CAST: variants seen among roughly 807,000 people sequenced by gnomAD.
CAST encodes calpastatin, also known as MIR583 host.
CAST carries 76 observed loss-of-function variants against 119.6 expected under a neutral mutation model. The ratio of observed to expected loss-of-function variants is 0.64; its 90% CI spans 0.53 to 0.77. The LOEUF is 0.77. Among genes scored for constraint, CAST ranks in the 30% least tolerant of loss-of-function variants. CAST has a pLI of 0.00. For missense variants in CAST, 953 were observed against 946.5 expected (o/e 1.01, Z -0.09); for synonymous variants, 319 against 331.6 (o/e 0.96, Z 0.41).
chr5:96,555,384 C>A (rs976720241), intron 1 of CAST, among the ~76,000 whole-genome samples: 4 of 152,182 alleles, frequency 2.6e-5, no homozygotes, highest in African/African-American at 9.6e-5. Context: ...GGGTGCAGGA[C>A]AGTGGGTGCA....
At chr5:96,094,754 C>T in the CAST span, among the ~76,000 whole-genome samples, 1 of 152,164 alleles carries the variant, frequency 6.6e-6, no homozygotes, top group Non-Finnish European at 1.5e-5. Flanking sequence ...AAGTCAGGCT[C>T]AGCAAACCTG....
At chr5:96,528,532 A>G (rs894755447), upstream of CAST, among the ~76,000 whole-genome samples, 1 of 152,140 alleles carries the variant, frequency 6.6e-6, no homozygotes, top group African/African-American at 2.4e-5. Flanking sequence ...GGATACTGAA[A>G]AGGCTTCAGT....
intron 1 of CAST, among the ~76,000 whole-genome samples, chr5:96,618,053 G>T (rs905753971): frequency 1.4e-4 from 22 of 152,062 alleles, no homozygotes; most frequent in Admixed American, 3.3e-4. Context: ...ACTGAGGGGG[G>T]CCAGTGGCAG....
At chr5:96,549,578 C>G (rs1356066248) in intron 1 of CAST, among the ~76,000 whole-genome samples, 1 of 152,166 alleles carries the variant, frequency 6.6e-6, no homozygotes, top group Non-Finnish European at 1.5e-5. Context: ...CGAGTGGAAG[C>G]AGGGCGGGGC....
chr5:96,596,534 C>CA (rs1350209717), intron 1 of CAST, among the ~76,000 whole-genome samples: 1 of 152,018 alleles, frequency 6.6e-6, no homozygotes, highest in African/African-American at 2.4e-5. Flanking sequence ...ATTGTTTCAG[C>CA]AAAAATAGGA....
At chr5:96,356,553 C>G in the CAST span, among the ~76,000 whole-genome samples, 1 of 152,148 alleles carries the variant, frequency 6.6e-6, no homozygotes, top group Non-Finnish European at 1.5e-5. Context: ...CTGCATATGA[C>G]TAGCTAGTTT....
intron 16 of CAST, 84 bp from the exon 17 acceptor site, chr5:96,746,258 A>C: frequency 1.2e-6 from 1 of 812,818 alleles, no homozygotes; most frequent in Admixed American, 1.8e-5. Context: ...TCTCTATAAC[A>C]CTCGAGAAGT....
the CAST span, among the ~76,000 whole-genome samples, chr5:96,432,704 T>C: frequency 6.6e-6 from 1 of 152,080 alleles, no homozygotes; most frequent in African/African-American, 2.4e-5. Context: ...GCTTTCTCTC[T>C]CTCCAAGCGC....
At chr5:96,649,002 T>C (rs915304864) in intron 1 of CAST, among the ~76,000 whole-genome samples, 10 of 152,204 alleles carry the variant, frequency 6.6e-5, no homozygotes, top group African/African-American at 2.2e-4. Context: ...GCTCTGTCGA[T>C]GTATGGCTAT....
the CAST span, among the ~76,000 whole-genome samples, chr5:96,095,915 G>T: frequency 2.0e-5 from 3 of 152,138 alleles, no homozygotes; most frequent in Non-Finnish European, 4.4e-5. Context: ...AAAAGCAGTT[G>T]TTGACAAGGT....
At chr5:96,582,193 G>C (rs752040700) in intron 1 of CAST, among the ~76,000 whole-genome samples, 11 of 149,302 alleles carry the variant, frequency 7.4e-5, no homozygotes, top group Non-Finnish European at 1.6e-4. Context: ...TATGGTAAAG[G>C]AAAAGAAAGA....
At chr5:96,468,185 A>C in the CAST span, among the ~76,000 whole-genome samples, 2 of 152,086 alleles carry the variant, frequency 1.3e-5, no homozygotes, top group African/African-American at 4.8e-5. Flanking sequence ...CTATGGGTAC[A>C]CAAAGGCATT....
chr5:96,395,408 A>T, the CAST span, among the ~76,000 whole-genome samples: 1 of 152,236 alleles, frequency 6.6e-6, no homozygotes. Flanking sequence ...CTCTAGCATT[A>T]ATAAGCCCTT....
At chr5:96,346,368 A>G in the CAST span, among the ~76,000 whole-genome samples, 2 of 152,112 alleles carry the variant, frequency 1.3e-5, no homozygotes, top group African/African-American at 2.4e-5. Context: ...GTGGTTAGAT[A>G]TTCAGATTTT....
chr5:96,196,962 A>T, the CAST span, among the ~76,000 whole-genome samples: 1 of 152,216 alleles, frequency 6.6e-6, no homozygotes, highest in Non-Finnish European at 1.5e-5. Context: ...AAGGAATGAT[A>T]TGAAAATCAT....
intron 1 of CAST, among the ~76,000 whole-genome samples, chr5:96,550,881 G>A (rs1746113317): frequency 6.6e-6 from 1 of 152,106 alleles, no homozygotes; most frequent in African/African-American, 2.4e-5. Flanking sequence ...AGAGTGAAAA[G>A]AAATGAACAA....
chr5:96,444,730 T>G, the CAST span, among the ~76,000 whole-genome samples: 3 of 152,276 alleles, frequency 2.0e-5, no homozygotes, highest in Non-Finnish European at 2.9e-5. Flanking sequence ...GGGTTTTATT[T>G]GTTTGCTTGT....
intron 1 of CAST, among the ~76,000 whole-genome samples, chr5:96,632,702 C>T (rs1049453263): frequency 2.8e-5 from 3 of 107,446 alleles, no homozygotes; most frequent in African/African-American, 1.1e-4. Flanking sequence ...TCTTCCTTCT[C>T]ATTAAATTCT....
At chr5:96,016,520 A>G in the CAST span, among the ~76,000 whole-genome samples, 1 of 152,192 alleles carries the variant, frequency 6.6e-6, no homozygotes, top group East Asian at 1.9e-4. Context: ...ATACTGCATC[A>G]TGCACACAGG....
Sources: allele counts gnomAD v4.1 joint callset (sites outside exome capture counted in the v4.1 genomes callset), GRCh38; gene constraint gnomAD v4.1.1; transcripts MANE v1.5; gene names NCBI Gene and HGNC (gene_info 2026-07-23, HGNC 2026-07-21).